SLC6A9: variants seen among roughly 807,000 people sequenced by gnomAD.
SLC6A9 encodes solute carrier family 6 member 9, also known as sodium- and chloride-dependent glycine transporter 1.
A neutral mutation model predicts 70.9 loss-of-function variants in SLC6A9; 31 were observed. That is an observed-to-expected ratio of 0.44 (90% CI 0.33 to 0.59). The LOEUF is 0.59. Among genes scored for constraint, SLC6A9 ranks in the 20% least tolerant of loss-of-function variants. The pLI is 0.04. For missense variants in SLC6A9, 631 were observed against 845.2 expected (o/e 0.75, Z 3.14); for synonymous variants, 310 against 341.3 (o/e 0.91, Z 1.01).
At position 44,024,069 on chromosome 1, in the gene SLC6A9, G is replaced by A. The variant is rs570863073; in HGVS notation, c.30+179C>T. ...AGGTCTTTGCGGGCTCTGCGGGCTT[G>A]GAGCCTGATGCTCTCTGACCTGCTA... is the stretch of plus-strand genomic sequence containing the variant. On this transcript the variant is annotated intron_variant, in intron 2 of 13. Coordinates refer to ENST00000372310, the MANE Select transcript of SLC6A9 (RefSeq NM_001024845.3). Among the ~76,000 whole-genome samples, 7 of 152,314 alleles carry A rather than the reference G, an allele frequency of 4.6e-5. No individual in the cohort carries two copies. In the East Asian group the frequency reaches 9.7e-4, roughly 21 times the overall value.
At chr1:44,031,129 C>T (rs2087108702) in intron 1 of SLC6A9, among the ~76,000 whole-genome samples, 177 bp downstream of exon 1, 1 of 152,022 alleles carries the variant, frequency 6.6e-6, no homozygotes. Context: ...TGCGTGCACC[C>T]ACACTCTTAC....
rs200507883 is a variant in SLC6A9 at position 44,024,240 on chromosome 1, G to A, written c.30+8C>T. On this transcript the variant is annotated splice_region_variant and intron_variant, in intron 2 of 13. Coordinates refer to ENST00000372310, the MANE Select transcript of SLC6A9 (RefSeq NM_001024845.3). ...CGTTCCTTCCCGCAGTCTGGCCTCTGTACTCACCAGCATCCCTTTGGCACC... is the reference window on the plus strand; with the variant it reads ...CGTTCCTTCCCGCAGTCTGGCCTCTATACTCACCAGCATCCCTTTGGCACC... The A allele has an allele frequency of 6.3e-5, 102 of 1,613,920 alleles. No individual in the cohort carries two copies. The highest frequency in any genetic ancestry group is 8.2e-5 in the Non-Finnish European group (97 of 1,179,886).
chr1:44,014,035 C>T (rs554316670), intron 2 of SLC6A9, among the ~76,000 whole-genome samples: 9 of 152,110 alleles, frequency 5.9e-5, no homozygotes, highest in Non-Finnish European at 8.8e-5. Flanking sequence ...TTTGTGCTCA[C>T]GATTTGACTC....
rs2086133124 is a variant in SLC6A9 at position 44,002,129 on chromosome 1, CTT to C, written c.962+182_962+183del. Among the ~76,000 whole-genome samples, 1 of 152,212 alleles carries C rather than the reference CTT, an allele frequency of 6.6e-6. No homozygotes were observed. The highest frequency in any genetic ancestry group is 1.9e-4 in the East Asian group (1 of 5,200). On this transcript the variant is annotated intron_variant, in intron 8 of 13. Transcript: ENST00000372310. This position sits in a 1 kb window ranked among gnomAD's most constrained non-coding sequence, Gnocchi z 5.5. ...CTGGGACATCACTGTCCCTATCTCT[CTT>C]CTCTCTCCTGCCTAAACCTCTCTCC...
chr1:44,002,208 A>T lies in SLC6A9; in HGVS notation c.962+105T>A. ...CCAGTATTCCCAGAACCTCAAGATC[A>T]TGAGGGGAAAGGAGGCCTCGTGGGC... is the stretch of plus-strand genomic sequence containing the variant. On this transcript the variant is annotated intron_variant, in intron 8 of 13. Coordinates refer to ENST00000372310, the MANE Select transcript of SLC6A9 (RefSeq NM_001024845.3). The surrounding 1 kb of genome is among the most constrained non-coding windows in gnomAD (Gnocchi z 5.5). 1 of 767,306 alleles carries T rather than the reference A, an allele frequency of 1.3e-6. No individual in the cohort carries two copies. Among genetic ancestry groups the T allele is most frequent in the Non-Finnish European group, 2.3e-6 (1 of 428,682 alleles). 47.5% of individuals were successfully genotyped at this position (767,306 alleles called of 1,614,324 possible).
intron 2 of SLC6A9, among the ~76,000 whole-genome samples, chr1:44,015,247 C>T (rs1263858005): frequency 3.3e-5 from 5 of 152,208 alleles, no homozygotes; most frequent in East Asian, 1.9e-4. Context: ...GTTGCACAGA[C>T]TCAGGGAGCC....
rs747859764 is a variant in SLC6A9 at position 44,002,409 on chromosome 1, C to A, written c.866G>T (p.Gly289Val). 6 of 1,614,028 alleles carry A rather than the reference C, an allele frequency of 3.7e-6. No individual in the cohort carries two copies. The South Asian group carries it at 6.6e-5, about 18-fold the overall frequency. The change falls in exon 8 of 14, where the codon GGT (glycine) becomes GTT (valine). Residue 289 changes from glycine (G) to valine (V), a missense_variant. By Grantham distance (109) the Gly-to-Val change is moderately radical. Transcript: ENST00000372310. The surrounding 1 kb of genome is among the most constrained non-coding windows in gnomAD (Gnocchi z 5.5). ...GTAGAAGATCTGGGAGGCAGCATCA[C>A]CCCACACCTGCAGGGAAGGACCGGT... ...WDKILEAKVWGDAASQIFYSL... is the reference protein window; with the variant it reads ...WDKILEAKVWVDAASQIFYSL...
rs1051074295 is a variant in SLC6A9, at chr1:44,002,569, G to T, written c.801C>A (p.Ala267=). The T allele has an allele frequency of 3.1e-6, 5 of 1,613,970 alleles. No homozygotes were observed. In the African/African-American group the frequency reaches 6.7e-5, roughly 22 times the overall value. The change falls in exon 7 of 14, where the codon GCC becomes GCA. Residue 267 remains alanine (A), a synonymous_variant. Transcript: ENST00000372310. This position sits in a 1 kb window ranked among gnomAD's most constrained non-coding sequence, Gnocchi z 5.5. The part of the protein sequence containing the change: ...LFVRGVTLEG[A]FDGIMYYLTP... ...TTAGGTAGTACATGATGCCGTCAAA[G>T]GCTCCCTCCAGGGTCACTCCGCGGA...
Position 44,002,590 on chromosome 1 carries a change from G to A in SLC6A9, c.780C>T (p.Arg260=), listed in dbSNP as rs201953737. 1.8e-5 allele frequency: 29 copies of A among 1,613,942 alleles called. No homozygotes were observed. The highest frequency in any genetic ancestry group is 4.0e-5 in the African/African-American group (3 of 74,902). The change falls in exon 7 of 14, where the codon CGC becomes CGT. Residue 260 remains arginine, a synonymous_variant. Transcript: ENST00000372310. The surrounding 1 kb of genome is among the most constrained non-coding windows in gnomAD (Gnocchi z 5.5). ...CAAAGGCTCCCTCCAGGGTCACTCCGCGGACAAACAGAATGGTCAGCACCA... is the reference window on the plus strand; with the variant it reads ...CAAAGGCTCCCTCCAGGGTCACTCCACGGACAAACAGAATGGTCAGCACCA... ...PYVVLTILFV[R]GVTLEGAFDG...
chr1:44,030,159 C>T (rs1257986202), intron 1 of SLC6A9, among the ~76,000 whole-genome samples: 1 of 152,098 alleles, frequency 6.6e-6, no homozygotes, highest in African/African-American at 2.4e-5. Flanking sequence ...GGCAGGGGCG[C>T]GGTCGGTCTG....
chr1:44,004,907 A>G (rs1206059060), intron 5 of SLC6A9, among the ~76,000 whole-genome samples: 2 of 152,240 alleles, frequency 1.3e-5, no homozygotes, highest in East Asian at 1.9e-4. Flanking sequence ...ATGTCTCCAC[A>G]TGACAAATCT....
At chr1:44,004,186 G>C (rs2086229769) in intron 5 of SLC6A9, among the ~76,000 whole-genome samples, 1 of 151,788 alleles carries the variant, frequency 6.6e-6, no homozygotes, top group Non-Finnish European at 1.5e-5. Context: ...GGAGAGATGG[G>C]GATTTCACCA....
rs35340201 is a variant in SLC6A9, at chr1:44,009,019, CTT to C, written c.320-398_320-397del. 1.5e-4 allele frequency among the ~76,000 whole-genome samples: 11 copies of C among 71,800 alleles called. No homozygotes were observed. In the South Asian group the frequency reaches 1.5e-3, roughly 10 times the overall value. The allele number at this position is 71,800 out of a possible 152,430, so 47.1% of individuals were successfully genotyped here. ...ACAGGCGTGAGCCACCGCGCCCGGC[CTT>C]TTTTTTTTTTTTTTTTTTTTTGAGA... On this transcript the variant is annotated intron_variant, in intron 4 of 13. Transcript: ENST00000372310.
chr1:44,024,413 G>A, intron 1 of SLC6A9, 51 bp from the exon 2 acceptor site: 2 of 1,121,422 alleles, frequency 1.8e-6, no homozygotes, highest in Non-Finnish European at 2.7e-6. Flanking sequence ...TGGCCCACAG[G>A]GCTCTCCAGA....
At position 44,001,057 on chromosome 1, in the gene SLC6A9, T is replaced by C; in HGVS notation, c.1336-2A>G. 6.3e-7 allele frequency: 1 copy of C among 1,590,714 alleles called. No individual in the cohort carries two copies. On this transcript the variant is annotated splice_acceptor_variant, in intron 10 of 13. Coordinates refer to ENST00000372310, the MANE Select transcript of SLC6A9 (RefSeq NM_001024845.3). LOFTEE classifies it high-confidence loss of function. ...CAGCAGCAGCCAATAGATGCCTGCC[T>C]GGGGAACAGCGGGCAGCTGTGGGAG...
intron 1 of SLC6A9, among the ~76,000 whole-genome samples, chr1:44,025,869 C>A (rs948290703): frequency 6.6e-6 from 1 of 152,170 alleles, no homozygotes; most frequent in African/African-American, 2.4e-5. Flanking sequence ...CTTTCTGGAG[C>A]CTTTCTTGCC....
In SLC6A9 at chr1:44,002,439, G is replaced by C. The variant is rs770338721; in HGVS notation, c.859-23C>G. The C allele has an allele frequency of 3.1e-6, 5 of 1,613,072 alleles. No individual in the cohort carries two copies. The highest frequency in any genetic ancestry group is 4.2e-6 in the Non-Finnish European group (5 of 1,179,164). On this transcript the variant is annotated intron_variant, in intron 7 of 13. Coordinates refer to ENST00000372310, the MANE Select transcript of SLC6A9 (RefSeq NM_001024845.3). The surrounding 1 kb of genome is among the most constrained non-coding windows in gnomAD (Gnocchi z 5.5). ...CACCTGCAGGGAAGGACCGGTGGGT[G>C]AGGAGCTGTGGGCAGAGGCAGGCAC...
chr1:44,017,016 A>AG, intron 2 of SLC6A9: 1 of 1,560,404 alleles, frequency 6.4e-7, no homozygotes, highest in Non-Finnish European at 8.6e-7. Context: ...GGCACCAAGG[A>AG]GGGGGCTCAA....
intron 2 of SLC6A9, among the ~76,000 whole-genome samples, chr1:44,014,124 C>T (rs1355009932): frequency 2.0e-5 from 3 of 152,102 alleles, no homozygotes; most frequent in Non-Finnish European, 2.9e-5. Flanking sequence ...CCCCCACCAC[C>T]ATCACCACCA....
Sources: gnomAD v4.1 joint callset for allele counts (sites outside exome capture counted in the v4.1 genomes callset) on GRCh38, gnomAD v4.1.1 for gene constraint, Gnocchi (gnomAD v3.1) non-coding constraint, MANE v1.5 for transcripts, NCBI Gene and HGNC (gene_info 2026-07-23, HGNC 2026-07-21) for gene names.